Variants in PHLPP1 observed in about 807,000 individuals in gnomAD.
The protein encoded by PHLPP1 is PH domain and leucine rich repeat protein phosphatase 1.
A neutral mutation model predicts 117.2 loss-of-function variants in PHLPP1; 42 were observed. The ratio of observed to expected loss-of-function variants is 0.36; its 90% CI spans 0.28 to 0.46. The LOEUF is 0.46. Ranked by LOEUF, PHLPP1 falls within the 20% of genes least tolerant of loss-of-function variation. The pLI, the probability that PHLPP1 is intolerant of heterozygous loss-of-function variation, is 1.00. For synonymous variants in PHLPP1, 1,042 were observed against 970.7 expected, an observed-to-expected ratio of 1.07 and a Z score of -1.37; for missense variants, 2,084 against 2,241.9, an observed-to-expected ratio of 0.93 and a Z score of 1.42.
At chr18:62,929,816 A>G (rs1199427045) in intron 10 of PHLPP1, among the ~76,000 whole-genome samples, 2 of 152,142 alleles carry the variant, frequency 1.3e-5, no homozygotes, top group Admixed American at 1.3e-4. Flanking sequence ...AGGCATGGTT[A>G]CATACACTTA....
At position 62,835,869 on chromosome 18, in the gene PHLPP1, C is replaced by G. The variant is rs191214135; in HGVS notation, c.1774-2915C>G. ...AATATCAGCTCACTGCATCCTCCACCTCCCGGGTTCAAGCGATTCTCCTGC... is the reference window on the plus strand; with the variant it reads ...AATATCAGCTCACTGCATCCTCCACGTCCCGGGTTCAAGCGATTCTCCTGC... On this transcript the variant is annotated intron_variant, in intron 2 of 16. Transcript: ENST00000262719. Among the ~76,000 whole-genome samples, 409 of 149,882 alleles carry G rather than the reference C, an allele frequency of 2.7e-3. 1 individual carries two copies. Among genetic ancestry groups the G allele is most frequent in the Middle Eastern group, 6.8e-3 (2 of 292 alleles).
chr18:62,873,383 G>A (rs979080276), intron 4 of PHLPP1, among the ~76,000 whole-genome samples: 1 of 152,108 alleles, frequency 6.6e-6, no homozygotes, highest in Non-Finnish European at 1.5e-5. Flanking sequence ...TTGCCAAATT[G>A]GTGACAATTA....
chr18:62,853,275 CTCAGGGTGTGTCCA>C (rs369881409), intron 3 of PHLPP1, among the ~76,000 whole-genome samples: 59 of 152,084 alleles, frequency 3.9e-4, no homozygotes, highest in African/African-American at 1.1e-3. Flanking sequence ...TGATGTATCT[CTCAGGGTGTGTCCA>C]TCGTGGTAGA....
At chr18:62,803,330 A>G (rs1427661049) in intron 1 of PHLPP1, among the ~76,000 whole-genome samples, 1 of 152,162 alleles carries the variant, frequency 6.6e-6, no homozygotes, top group Non-Finnish European at 1.5e-5. Flanking sequence ...ACTGAGCTCA[A>G]AATACTGTCA....
intron 2 of PHLPP1, among the ~76,000 whole-genome samples, chr18:62,834,073 C>G (rs1914826190): frequency 6.6e-6 from 1 of 152,160 alleles, no homozygotes; most frequent in Non-Finnish European, 1.5e-5. Flanking sequence ...ACAGTTATTT[C>G]TCACATTGTC....
At chr18:62,922,020 G>T (rs765055752) in intron 10 of PHLPP1, among the ~76,000 whole-genome samples, 1 of 152,230 alleles carries the variant, frequency 6.6e-6, no homozygotes, top group African/African-American at 2.4e-5. Flanking sequence ...AAATGGGATT[G>T]TCATATTGTA....
At chr18:62,937,546 A>G (rs1262979986) in intron 10 of PHLPP1, among the ~76,000 whole-genome samples, 1 of 152,220 alleles carries the variant, frequency 6.6e-6, no homozygotes, top group Non-Finnish European at 1.5e-5. Context: ...TTTTGGAGAC[A>G]CATGGTAGAA....
chr18:62,860,518 C>A lies in PHLPP1; in HGVS notation c.1983C>A (p.Asp661Glu). The A allele has an allele frequency of 1.9e-6, 3 of 1,610,902 alleles. No homozygotes were observed. Among genetic ancestry groups the A allele is most frequent in the African/African-American group, 2.7e-5 (2 of 74,990 alleles). ...HLPANLFYSQ[D>E]LTHLNLKQNF... The stretch of plus-strand genomic sequence containing the variant: ...CTGCCAACCTCTTCTACAGCCAAGA[C>A]CTCACTCATCTCAATTTAAAACAAA... The change falls in exon 4 of 17, where the codon GAC becomes GAA. Residue 661 changes from aspartate to glutamate, a missense_variant. By Grantham distance (45) the Asp-to-Glu change is conservative. Around this residue, in one of 2 missense-constraint regions of PHLPP1, gnomAD observed 1,365 missense variants for 1,605.9 expected, o/e 0.85. Coordinates refer to ENST00000262719, the MANE Select transcript of PHLPP1 (RefSeq NM_194449.4).
chr18:62,792,868 CAAAAAAAAAAAAAA>C (rs71160870), intron 1 of PHLPP1, among the ~76,000 whole-genome samples: 1 of 56,852 alleles, frequency 1.8e-5, no homozygotes, highest in Non-Finnish European at 3.3e-5. Context: ...GCCTCTGTCT[CAAAAAAAAAAAAAA>C]AAAAAAAAAA....
chr18:62,718,105 C>T (rs139357506), intron 1 of PHLPP1, among the ~76,000 whole-genome samples: 4 of 152,278 alleles, frequency 2.6e-5, no homozygotes, highest in Admixed American at 1.3e-4. Context: ...TCTCTTTTGG[C>T]TGAAGATTTG....
chr18:62,862,794 A>G (rs911774470), intron 4 of PHLPP1, among the ~76,000 whole-genome samples: 2 of 152,250 alleles, frequency 1.3e-5, no homozygotes, highest in South Asian at 2.1e-4. Flanking sequence ...AGATGTAATA[A>G]GAAATAACTT....
Position 62,968,529 on chromosome 18 carries a change from C to CTTT in PHLPP1, c.3561-3961_3561-3959dup, listed in dbSNP as rs34849907. Reference sequence around the variant, plus strand: ...CTGTTCATAATATCCCATTATTAGGCTTTTTTTTTTTTTTTTTTTTTTTTT... The same window carrying CTTT: ...CTGTTCATAATATCCCATTATTAGGCTTTTTTTTTTTTTTTTTTTTTTTTTTTT... On this transcript the variant is annotated intron_variant, in intron 14 of 16. Coordinates refer to ENST00000262719, the MANE Select transcript of PHLPP1 (RefSeq NM_194449.4). Among the ~76,000 whole-genome samples the CTTT allele has an allele frequency of 5.6e-4, 29 of 51,778 alleles. 4 individuals are homozygous for CTTT. Among genetic ancestry groups the CTTT allele is most frequent in the African/African-American group, 7.8e-4 (10 of 12,876 alleles). The allele number at this position is 51,778 out of a possible 152,430, so 34.0% of individuals were successfully genotyped here.
intron 3 of PHLPP1, among the ~76,000 whole-genome samples, chr18:62,841,156 G>A (rs1201968447): frequency 6.6e-6 from 1 of 152,150 alleles, no homozygotes; most frequent in Non-Finnish European, 1.5e-5. Context: ...TCAAAGTGCT[G>A]GGACTATAGG....
At chr18:62,880,325 C>T (rs968800312) in intron 4 of PHLPP1, among the ~76,000 whole-genome samples, 10 of 151,950 alleles carry the variant, frequency 6.6e-5, no homozygotes, top group Admixed American at 3.3e-4. Context: ...TTTGCTTATG[C>T]GCACTTTCTC....
chr18:62,716,520 G>C lies in PHLPP1; in HGVS notation c.837G>C (p.Ser279=), dbSNP rs1468717667. 2.5e-6 allele frequency: 3 copies of C among 1,189,220 alleles called. No individual in the cohort carries two copies. The highest frequency in any genetic ancestry group is 2.1e-6 in the Non-Finnish European group (2 of 961,734). The allele number at this position is 1,189,220 out of a possible 1,614,324, so 73.7% of individuals were successfully genotyped here. The change falls in exon 1 of 17, where the codon TCG becomes TCC. Residue 279 remains serine, a synonymous_variant. Transcript: ENST00000262719. This position sits in a 1 kb window ranked among gnomAD's most constrained non-coding sequence, Gnocchi z 5.7. ...TGGCGCCCCCGGAGCCGCGGGACTC[G>C]GAGGTACCGCCCGCGAGGAGCGCGC... ...PRLAPPEPRD[S]EVPPARSAPG... is the part of the protein sequence containing the mutation.
chr18:62,972,507 C>T lies in PHLPP1; in HGVS notation c.3561-7C>T. On this transcript the variant is annotated splice_region_variant and splice_polypyrimidine_tract_variant and intron_variant, in intron 14 of 16. Transcript: ENST00000262719. The stretch of plus-strand genomic sequence containing the variant: ...GGACTCAGCACAGAAGTGTGGTTGC[C>T]TTGCAGGTTGTGTGTCGCAGCCCTG... 2 of 1,611,280 alleles carry T rather than the reference C, an allele frequency of 1.2e-6. No homozygotes were observed. The highest frequency in any genetic ancestry group is 1.7e-6 in the Non-Finnish European group (2 of 1,179,252).
intron 1 of PHLPP1, among the ~76,000 whole-genome samples, chr18:62,726,583 CTTTTTTTTTT>C (rs869190741): frequency 1.8e-5 from 2 of 110,044 alleles, no homozygotes; most frequent in East Asian, 5.1e-4. Flanking sequence ...CTGTTCTGTT[CTTTTTTTTTT>C]TTTTTTTTTT....
chr18:62,748,669 GC>G (rs1911751581), intron 1 of PHLPP1, among the ~76,000 whole-genome samples: 1 of 151,986 alleles, frequency 6.6e-6, no homozygotes, highest in Admixed American at 6.6e-5. Context: ...TATGATGATA[GC>G]TTTTTTGGGT....
rs1568122883 is a variant in PHLPP1 at position 62,805,377 on chromosome 18, A to ATATACAGTATAATATACACTGTATATAT, written c.1577-24649_1577-24622dup. Among the ~76,000 whole-genome samples the ATATACAGTATAATATACACTGTATATAT allele has an allele frequency of 2.8e-4, 43 of 152,130 alleles. No homozygotes were observed. In the East Asian group the frequency reaches 4.8e-3, roughly 17 times the overall value. ...ATAATATACACTGCATAGGTTATAC[A>ATATACAGTATAATATACACTGTATATAT]TATACAGTATAATATACACTGTATA... On this transcript the variant is annotated intron_variant, in intron 1 of 16. Coordinates refer to ENST00000262719, the MANE Select transcript of PHLPP1 (RefSeq NM_194449.4).
Sources: allele counts gnomAD v4.1 joint callset (sites outside exome capture counted in the v4.1 genomes callset), GRCh38; gene constraint gnomAD v4.1.1; regional missense constraint gnomAD v4.1.1; non-coding constraint Gnocchi (gnomAD v3.1); transcripts MANE v1.5; gene names NCBI Gene and HGNC (gene_info 2026-07-23, HGNC 2026-07-21).